Variants in SLC2A12 observed in about 807,000 individuals in gnomAD.
The protein encoded by SLC2A12 is solute carrier family 2, facilitated glucose transporter member 12.
A neutral mutation model predicts 41.8 loss-of-function variants in SLC2A12; 23 were observed. The observed-to-expected ratio is 0.55, with a 90% CI of 0.40 to 0.78. The LOEUF (loss-of-function observed/expected upper bound fraction) is 0.78. Ranked by LOEUF, SLC2A12 falls within the 30% of genes least tolerant of loss-of-function variation. The pLI, the probability that SLC2A12 is intolerant of heterozygous loss-of-function variation, is 0.00. For synonymous variants in SLC2A12, 295 were observed against 285.9 expected, an observed-to-expected ratio of 1.03 and a Z score of -0.32; for missense variants, 654 against 745.6, an observed-to-expected ratio of 0.88 and a Z score of 1.43.
chr6:134,025,908 C>T (rs1158419170), intron 2 of SLC2A12, among the ~76,000 whole-genome samples: 1 of 152,162 alleles, frequency 6.6e-6, no homozygotes, highest in African/African-American at 2.4e-5. Flanking sequence ...TGCTCTAATA[C>T]AATAAGGTAT....
intron 2 of SLC2A12, among the ~76,000 whole-genome samples, chr6:134,009,486 T>G (rs1044272572): frequency 6.6e-6 from 1 of 152,046 alleles, no homozygotes. Context: ...AATTGACAAA[T>G]GTTTTGACAA....
intron 1 of SLC2A12, among the ~76,000 whole-genome samples, chr6:134,036,697 G>A (rs184241155): frequency 6.6e-6 from 1 of 152,116 alleles, no homozygotes; most frequent in East Asian, 1.9e-4. Context: ...CCCCACAATT[G>A]TATCAACAGA....
chr6:134,031,195 C>G (rs890330476), intron 1 of SLC2A12, among the ~76,000 whole-genome samples: 3 of 152,030 alleles, frequency 2.0e-5, no homozygotes, highest in African/African-American at 7.2e-5. Context: ...TGTTCAAGAC[C>G]AGCCTGGCCA....
At chr6:134,047,417 TG>T (rs1230167430) in intron 1 of SLC2A12, among the ~76,000 whole-genome samples, 1 of 152,134 alleles carries the variant, frequency 6.6e-6, no homozygotes, top group Non-Finnish European at 1.5e-5. Context: ...GATTCTAAAA[TG>T]AACTATTCTT....
At chr6:134,031,399 A>C (rs1040877541) in intron 1 of SLC2A12, among the ~76,000 whole-genome samples, 2 of 134,476 alleles carry the variant, frequency 1.5e-5, no homozygotes, top group Admixed American at 1.5e-4. Flanking sequence ...CTCACAAAAA[A>C]ACAAAAAACA....
At chr6:134,002,626 A>G (rs533505271) in intron 3 of SLC2A12, among the ~76,000 whole-genome samples, 10 of 152,124 alleles carry the variant, frequency 6.6e-5, no homozygotes, top group Non-Finnish European at 1.5e-4. Flanking sequence ...TGACATTTGT[A>G]CAGATGGATT....
rs552586902 is a variant in SLC2A12 at position 134,022,738 on chromosome 6, G to A, written c.1444+5643C>T. On this transcript the variant is annotated intron_variant, in intron 2 of 4. Coordinates refer to ENST00000275230, the MANE Select transcript of SLC2A12 (RefSeq NM_145176.3). ...AATGGTATTTAAGGAATACTGGTGT[G>A]AAAGTTGCCAATACCAAAATGGAGT... Among the ~76,000 whole-genome samples, 10 of 152,302 alleles carry A rather than the reference G, an allele frequency of 6.6e-5. No homozygotes were observed. The South Asian group carries it at 2.1e-3, about 32-fold the overall frequency.
chr6:134,031,497 C>T (rs1313871635), intron 1 of SLC2A12, among the ~76,000 whole-genome samples: 1 of 152,114 alleles, frequency 6.6e-6, no homozygotes, highest in African/African-American at 2.4e-5. Context: ...CAGGATGGCT[C>T]TGTGGCTTGA....
chr6:134,047,716 A>C (rs1777478608), intron 1 of SLC2A12, among the ~76,000 whole-genome samples: 1 of 152,250 alleles, frequency 6.6e-6, no homozygotes. Context: ...ACTGTTGGTA[A>C]TCTGACAGAG....
At chr6:134,048,555 C>A (rs771748686) in intron 1 of SLC2A12, among the ~76,000 whole-genome samples, 4 of 152,004 alleles carry the variant, frequency 2.6e-5, no homozygotes, top group African/African-American at 9.7e-5. Context: ...GGTGACAGAG[C>A]GAGACTTCAT....
At chr6:134,035,687 C>A (rs1777288276) in intron 1 of SLC2A12, among the ~76,000 whole-genome samples, 1 of 152,118 alleles carries the variant, frequency 6.6e-6, no homozygotes, top group Admixed American at 6.6e-5. Flanking sequence ...TTAGCTGTGA[C>A]CCTGATGAGT....
intron 2 of SLC2A12, among the ~76,000 whole-genome samples, chr6:134,013,299 TTAA>T (rs776282082): frequency 3.8e-4 from 58 of 151,902 alleles, no homozygotes; most frequent in Non-Finnish European, 1.5e-4. Flanking sequence ...AACAATAATA[TTAA>T]TAATAATAAT....
intron 1 of SLC2A12, among the ~76,000 whole-genome samples, chr6:134,032,163 C>T (rs1410158779): frequency 6.6e-6 from 1 of 151,816 alleles, no homozygotes; most frequent in African/African-American, 2.4e-5. Flanking sequence ...AGGTATTTTC[C>T]ATCTCCAGGA....
At chr6:134,010,688 G>T (rs1229974390) in intron 2 of SLC2A12, among the ~76,000 whole-genome samples, 1 of 152,126 alleles carries the variant, frequency 6.6e-6, no homozygotes, top group Admixed American at 6.5e-5. Flanking sequence ...AATCATCAAG[G>T]CTGCCTATCA....
At position 134,024,384 on chromosome 6, in the gene SLC2A12, A is replaced by G. The variant is rs1777086421; in HGVS notation, c.1444+3997T>C. ...AGATGCCAAGACCGCAGTCTTCCAC[A>G]TACTTCTTCACCAGCTTCCCTCTGT... On this transcript the variant is annotated intron_variant, in intron 2 of 4. Coordinates refer to ENST00000275230, the MANE Select transcript of SLC2A12 (RefSeq NM_145176.3). Among the ~76,000 whole-genome samples, 3 of 152,220 alleles carry G rather than the reference A, an allele frequency of 2.0e-5. No homozygotes were observed. In the South Asian group the frequency reaches 6.2e-4, roughly 32 times the overall value.
intron 3 of SLC2A12, among the ~76,000 whole-genome samples, chr6:134,003,298 A>G (rs546249744): frequency 6.6e-6 from 1 of 152,290 alleles, no homozygotes; most frequent in South Asian, 2.1e-4. Context: ...GTATGGCCCA[A>G]CTGATTGCTT....
intron 1 of SLC2A12, among the ~76,000 whole-genome samples, chr6:134,041,921 G>A (rs1777387404): frequency 6.6e-6 from 1 of 152,126 alleles, no homozygotes; most frequent in Non-Finnish European, 1.5e-5. Context: ...TGCTCAATGT[G>A]TGTGAGCCTT....
At chr6:134,033,719 C>T (rs558003169) in intron 1 of SLC2A12, among the ~76,000 whole-genome samples, 113 of 152,284 alleles carry the variant, frequency 7.4e-4, no homozygotes, top group African/African-American at 2.6e-3. Flanking sequence ...GTCCTTGCCA[C>T]CCTGTGCTTC....
intron 2 of SLC2A12, among the ~76,000 whole-genome samples, chr6:134,013,862 GT>G (rs1776921344): frequency 6.6e-6 from 1 of 152,104 alleles, no homozygotes; most frequent in African/African-American, 2.4e-5. Flanking sequence ...GCATTCTTAG[GT>G]TTTTACAATT....
Sources: allele counts gnomAD v4.1 joint callset (sites outside exome capture counted in the v4.1 genomes callset), GRCh38; gene constraint gnomAD v4.1.1; transcripts MANE v1.5; gene names NCBI Gene and HGNC (gene_info 2026-07-23, HGNC 2026-07-21).